Variants in SNTG1 observed in about 807,000 individuals in gnomAD.
SNTG1 encodes the protein gamma-1-syntrophin.
A neutral mutation model predicts 74.7 loss-of-function variants in SNTG1; 39 were observed. The ratio of observed to expected loss-of-function variants is 0.52; its 90% CI spans 0.40 to 0.68. The LOEUF is 0.68. SNTG1 is among the 30% of genes least tolerant of loss of function. The pLI is 0.00. For missense variants in SNTG1, 685 were observed against 609.5 expected, an observed-to-expected ratio of 1.12 and a Z score of -1.30; for synonymous variants, 254 against 217.1, an observed-to-expected ratio of 1.17 and a Z score of -1.49.
intron 2 of SNTG1, among the ~76,000 whole-genome samples, chr8:50,246,614 C>T (rs918814196): frequency 6.6e-6 from 1 of 151,826 alleles, no homozygotes; most frequent in Non-Finnish European, 1.5e-5. Context: ...ACAAAATTGC[C>T]CTTGTTTGAT....
intron 2 of SNTG1, among the ~76,000 whole-genome samples, chr8:50,337,592 GGAA>G (rs904925290): frequency 2.0e-4 from 30 of 152,246 alleles, no homozygotes; most frequent in African/African-American, 7.0e-4. Context: ...CACCTAACAT[GGAA>G]GAAGGGAAAT....
At chr8:50,408,205 T>C (rs112591107) in intron 4 of SNTG1, among the ~76,000 whole-genome samples, 1 of 152,270 alleles carries the variant, frequency 6.6e-6, no homozygotes, top group African/African-American at 2.4e-5. Flanking sequence ...GCAGTTTCAG[T>C]CCCCAGTATG....
chr8:50,244,578 A>G (rs1022806279), intron 2 of SNTG1, among the ~76,000 whole-genome samples: 1 of 152,104 alleles, frequency 6.6e-6, no homozygotes, highest in African/African-American at 2.4e-5. Context: ...AGCATGTTTA[A>G]TTTTCTGTTT....
intron 8 of SNTG1, among the ~76,000 whole-genome samples, chr8:50,465,243 T>G (rs1472405825): frequency 6.6e-6 from 1 of 152,160 alleles, no homozygotes; most frequent in Non-Finnish European, 1.5e-5. Context: ...ATTTAATTGT[T>G]CAAATCTAGT....
chr8:50,780,107 G>T (rs557693777), intron 18 of SNTG1, among the ~76,000 whole-genome samples: 1 of 152,154 alleles, frequency 6.6e-6, no homozygotes, highest in Non-Finnish European at 1.5e-5. Flanking sequence ...TGGTTTGCCA[G>T]TATTTTATTG....
At chr8:50,521,261 C>T (rs207469150) in intron 9 of SNTG1, among the ~76,000 whole-genome samples, 1 of 151,950 alleles carries the variant, frequency 6.6e-6, no homozygotes, top group Admixed American at 6.6e-5. Flanking sequence ...CACACCAAGG[C>T]CTGATGGGGG....
intron 1 of SNTG1, among the ~76,000 whole-genome samples, chr8:49,927,248 T>C (rs1008664612): frequency 1.3e-5 from 2 of 152,162 alleles, no homozygotes; most frequent in East Asian, 1.9e-4. Context: ...ATCACACTTG[T>C]TGTTATTTAC....
At chr8:50,701,935 C>G (rs540908557) in intron 15 of SNTG1, among the ~76,000 whole-genome samples, 1 of 151,684 alleles carries the variant, frequency 6.6e-6, no homozygotes, top group Non-Finnish European at 1.5e-5. Flanking sequence ...ACTGCAACCT[C>G]CTCATCCTAG....
intron 17 of SNTG1, among the ~76,000 whole-genome samples, chr8:50,745,053 G>A (rs2095552122): frequency 6.6e-6 from 1 of 151,916 alleles, no homozygotes; most frequent in African/African-American, 2.4e-5. Context: ...AGATAAATTG[G>A]ACAACATTAA....
At chr8:50,010,676 A>T (rs893711475) in intron 1 of SNTG1, among the ~76,000 whole-genome samples, 6 of 151,994 alleles carry the variant, frequency 3.9e-5, no homozygotes, top group African/African-American at 7.3e-5. Flanking sequence ...TTAAAAAAAA[A>T]TTCTTACTAA....
At chr8:50,459,846 T>C (rs13274680) in intron 8 of SNTG1, among the ~76,000 whole-genome samples, 130,901 of 152,160 alleles carry the variant, frequency 0.86, 56,430 homozygotes, top group Non-Finnish European at 0.89. Flanking sequence ...GACACGATTT[T>C]TTTCTTTTTT....
At chr8:50,242,538 A>G (rs1160050927) in intron 2 of SNTG1, among the ~76,000 whole-genome samples, 1 of 119,820 alleles carries the variant, frequency 8.3e-6, no homozygotes, top group African/African-American at 2.9e-5. Context: ...AAAAAAAAAA[A>G]AAAAAAACAC....
intron 8 of SNTG1, among the ~76,000 whole-genome samples, chr8:50,491,767 A>G (rs2093856651): frequency 6.6e-6 from 1 of 151,964 alleles, no homozygotes; most frequent in South Asian, 2.1e-4. Context: ...ATGTGTGGAA[A>G]GTGCAGGTTT....
chr8:50,769,885 C>T (rs1468614753), intron 18 of SNTG1, among the ~76,000 whole-genome samples: 3 of 151,864 alleles, frequency 2.0e-5, no homozygotes, highest in Non-Finnish European at 4.4e-5. Flanking sequence ...CCTAAAAGAA[C>T]CTAAAAGATT....
chr8:50,386,014 T>C (rs1223112117), intron 2 of SNTG1, among the ~76,000 whole-genome samples: 1 of 152,184 alleles, frequency 6.6e-6, no homozygotes, highest in African/African-American at 2.4e-5. Context: ...AAAGTGGTAT[T>C]GTTCTTGGTT....
chr8:50,714,120 G>A (rs1192581672), intron 17 of SNTG1, among the ~76,000 whole-genome samples: 2 of 150,768 alleles, frequency 1.3e-5, no homozygotes, highest in Non-Finnish European at 2.9e-5. Flanking sequence ...GTTTTTGTCA[G>A]ATTTGTCAAA....
intron 1 of SNTG1, among the ~76,000 whole-genome samples, chr8:50,137,144 A>G (rs1303391699): frequency 6.6e-6 from 1 of 152,208 alleles, no homozygotes; most frequent in African/African-American, 2.4e-5. Flanking sequence ...TCCGGTGTTA[A>G]CATACTGTAT....
At chr8:50,513,218 C>A (rs1431243354) in intron 9 of SNTG1, among the ~76,000 whole-genome samples, 2 of 152,318 alleles carry the variant, frequency 1.3e-5, no homozygotes, top group Non-Finnish European at 2.9e-5. Flanking sequence ...GCAGTGGAGG[C>A]TGCAGAACAG....
intron 1 of SNTG1, among the ~76,000 whole-genome samples, chr8:50,091,890 A>T (rs551115695): frequency 6.6e-6 from 1 of 152,268 alleles, no homozygotes; most frequent in East Asian, 1.9e-4. Context: ...TGTCAGATTT[A>T]ATCTGAGTAA....
Sources: allele counts gnomAD v4.1 joint callset (sites outside exome capture counted in the v4.1 genomes callset), GRCh38; gene constraint gnomAD v4.1.1; transcripts MANE v1.5; gene names NCBI Gene and HGNC (gene_info 2026-07-23, HGNC 2026-07-21).